Variants in RALGAPA1 observed in about 807,000 individuals in gnomAD.
The protein encoded by RALGAPA1 is Ral GTPase activating protein catalytic subunit alpha 1, also known as ral GTPase-activating protein subunit alpha-1.
A neutral mutation model predicts 269.6 loss-of-function variants in RALGAPA1; 52 were observed. The ratio of observed to expected loss-of-function variants is 0.19; its 90% CI spans 0.15 to 0.24. The LOEUF is 0.24. Ranked by LOEUF, RALGAPA1 falls within the 10% of genes least tolerant of loss-of-function variation. The pLI is 1.00. For missense variants in RALGAPA1, 1,917 were observed against 3,013.9 expected, an observed-to-expected ratio of 0.64 and a Z score of 8.52; for synonymous variants, 817 against 1,008.3, an observed-to-expected ratio of 0.81 and a Z score of 3.60.
intron 4 of RALGAPA1, among the ~76,000 whole-genome samples, chr14:35,769,706 C>T (rs2074474230): frequency 6.6e-6 from 1 of 152,004 alleles, no homozygotes; most frequent in South Asian, 2.1e-4. Flanking sequence ...ATAACTTGAA[C>T]AACTTTCTAC....
chr14:35,558,803 T>G (rs1478792766), intron 39 of RALGAPA1, among the ~76,000 whole-genome samples: 1 of 152,174 alleles, frequency 6.6e-6, no homozygotes, highest in Non-Finnish European at 1.5e-5. Flanking sequence ...CTGGGCTTCC[T>G]TCCCACAGAG....
chr14:35,746,337 T>C (rs1055684682), intron 10 of RALGAPA1, among the ~76,000 whole-genome samples: 1 of 152,144 alleles, frequency 6.6e-6, no homozygotes, highest in African/African-American at 2.4e-5. Context: ...TCTAGCATGG[T>C]GACTATAGTT....
At chr14:35,667,130 G>T (rs2064005316) in intron 26 of RALGAPA1, among the ~76,000 whole-genome samples, 1 of 152,102 alleles carries the variant, frequency 6.6e-6, no homozygotes, top group Non-Finnish European at 1.5e-5. Context: ...GGCCAGGCGC[G>T]GTGGCTCATG....
intron 39 of RALGAPA1, among the ~76,000 whole-genome samples, chr14:35,558,780 T>C (rs1191289680): frequency 6.6e-6 from 1 of 151,978 alleles, no homozygotes; most frequent in Admixed American, 6.6e-5. Flanking sequence ...AATGGTACCA[T>C]TGTGAATGCT....
At chr14:35,700,103 G>A in intron 17 of RALGAPA1, 59 bp downstream of exon 17, 1 of 1,432,678 alleles carries the variant, frequency 7.0e-7, no homozygotes, top group Non-Finnish European at 9.2e-7. Context: ...AGCAAAATTT[G>A]AAAGCAGAGG....
chr14:35,564,210 A>G (rs2056512609), intron 39 of RALGAPA1, among the ~76,000 whole-genome samples: 1 of 152,200 alleles, frequency 6.6e-6, no homozygotes, highest in African/African-American at 2.4e-5. Context: ...TGGTACTATT[A>G]TCCTCTTTTT....
At chr14:35,712,657 C>T (rs2068461502) in intron 16 of RALGAPA1, among the ~76,000 whole-genome samples, 1 of 152,136 alleles carries the variant, frequency 6.6e-6, no homozygotes, top group South Asian at 2.1e-4. Context: ...CAGGCACGCG[C>T]CACTGCACCC....
chr14:35,665,366 C>CT (rs2063847283), intron 26 of RALGAPA1, among the ~76,000 whole-genome samples: 1 of 152,146 alleles, frequency 6.6e-6, no homozygotes, highest in African/African-American at 2.4e-5. Flanking sequence ...CTGAACATTT[C>CT]TTTTTTCTCT....
At chr14:35,553,132 T>C (rs1474519385) in intron 39 of RALGAPA1, among the ~76,000 whole-genome samples, 1 of 152,126 alleles carries the variant, frequency 6.6e-6, no homozygotes, top group African/African-American at 2.4e-5. Flanking sequence ...AAATACGGGG[T>C]AACACAAAAG....
chr14:35,677,103 G>A (rs1265799138), intron 22 of RALGAPA1: 2 of 152,226 alleles, frequency 1.3e-5, no homozygotes, highest in African/African-American at 4.8e-5. Context: ...GGGAGGCCGA[G>A]GCAGGCGGGT....
chr14:35,554,333 ACTTT>A (rs1288423126), intron 39 of RALGAPA1, among the ~76,000 whole-genome samples: 32 of 123,160 alleles, frequency 2.6e-4, no homozygotes, highest in Middle Eastern at 4.7e-3. Flanking sequence ...TACTAAATAC[ACTTT>A]CTTTTTTTTT....
rs1018331182 is a variant in RALGAPA1 at position 35,766,560 on chromosome 14, G to A, written c.326-3807C>T. The A allele has an allele frequency of 2.0e-5, 17 of 862,980 alleles. No individual in the cohort carries two copies. In the African/African-American group the frequency reaches 2.8e-4, roughly 14 times the overall value. The allele number at this position is 862,980 out of a possible 1,614,324, so 53.5% of individuals were successfully genotyped here. ...AGCAGCATCGAGTATAGCAAGATCT[G>A]ATGGGCTACAATATGGTCACAGATG... On this transcript the variant is annotated intron_variant, in intron 4 of 41. Transcript: ENST00000680220.
At position 35,539,703 on chromosome 14, in the gene RALGAPA1, G is replaced by C; in HGVS notation, c.*24-13C>G. On this transcript the variant is annotated splice_polypyrimidine_tract_variant and intron_variant, in intron 41 of 41. Transcript: ENST00000680220. ...TCTGGGTAGGAGCCTGTAGGAAACA[G>C]CAAGAGCATTACTACAGTTATCCAG... 1 of 1,613,428 alleles carries C rather than the reference G, an allele frequency of 6.2e-7. No homozygotes were observed.
intron 28 of RALGAPA1, among the ~76,000 whole-genome samples, chr14:35,656,444 C>T (rs922084036): frequency 2.0e-5 from 3 of 152,086 alleles, no homozygotes; most frequent in African/African-American, 7.2e-5. Context: ...TTATCCTGTT[C>T]CCCAATGTAT....
intron 37 of RALGAPA1, among the ~76,000 whole-genome samples, chr14:35,594,674 G>A (rs1286687526): frequency 2.0e-5 from 3 of 149,872 alleles, no homozygotes; most frequent in Admixed American, 1.3e-4. Context: ...GGAGAAAGGG[G>A]AACACTAGTA....
In RALGAPA1 at chr14:35,773,584, C is replaced by T. The variant is rs187889880; in HGVS notation, c.267+1422G>A. 3.2e-3 allele frequency among the ~76,000 whole-genome samples: 494 copies of T among 152,094 alleles called. 3 individuals carry two copies. Among genetic ancestry groups the T allele is most frequent in the Non-Finnish European group, 3.3e-3 (223 of 67,994 alleles). Reference sequence around the variant, plus strand: ...CTCAGTTTCCTGAATCTAAGGCAAGCGTAAACATTTGAAGGAATACTTTCC... The same window carrying T: ...CTCAGTTTCCTGAATCTAAGGCAAGTGTAAACATTTGAAGGAATACTTTCC... On this transcript the variant is annotated intron_variant, in intron 3 of 41. Coordinates refer to ENST00000680220, the MANE Select transcript of RALGAPA1 (RefSeq NM_001346249.2).
At chr14:35,739,660 C>A (rs771877986) in intron 11 of RALGAPA1, among the ~76,000 whole-genome samples, 1 of 152,122 alleles carries the variant, frequency 6.6e-6, no homozygotes. Context: ...AAGAAACTTG[C>A]GACACCTCCC....
chr14:35,663,997 TCAGAGCACTG>T (rs2063744508), intron 27 of RALGAPA1, among the ~76,000 whole-genome samples: 1 of 152,158 alleles, frequency 6.6e-6, no homozygotes, highest in East Asian at 1.9e-4. Flanking sequence ...CTTGCTGGGC[TCAGAGCACTG>T]ACTGCTTTTC....
chr14:35,575,610 T>C (rs895354148), intron 37 of RALGAPA1, among the ~76,000 whole-genome samples: 1 of 152,208 alleles, frequency 6.6e-6, no homozygotes, highest in Non-Finnish European at 1.5e-5. Context: ...TTTATTTATT[T>C]TGAGATGGAG....
Sources: allele counts gnomAD v4.1 joint callset (sites outside exome capture counted in the v4.1 genomes callset), GRCh38; gene constraint gnomAD v4.1.1; transcripts MANE v1.5; gene names NCBI Gene and HGNC (gene_info 2026-07-23, HGNC 2026-07-21).